The following WWOX variants were observed in gnomAD, a reference collection of about 807,000 sequenced individuals.
WWOX encodes the protein WW domain-containing oxidoreductase.
WWOX carries 69 observed loss-of-function variants against 46.2 expected under a neutral mutation model. The observed-to-expected ratio is 1.49, with a 90% CI of 1.23 to 1.82. The LOEUF (loss-of-function observed/expected upper bound fraction) is 1.82. Among genes scored for constraint, WWOX ranks in the 40% most tolerant of loss-of-function variants. WWOX has a pLI of 0.00. For missense variants in WWOX, 919 were observed against 542.6 expected (o/e 1.69, Z -6.89); for synonymous variants, 359 against 202.6 (o/e 1.77, Z -6.56).
intron 8 of WWOX, among the ~76,000 whole-genome samples, chr16:78,705,697 C>A (rs2048314672): frequency 6.6e-6 from 1 of 152,162 alleles, no homozygotes; most frequent in African/African-American, 2.4e-5. Flanking sequence ...TATTTATTTG[C>A]TTTTTTACTT....
chr16:79,120,656 C>G (rs575217838), intron 8 of WWOX, among the ~76,000 whole-genome samples: 4 of 152,202 alleles, frequency 2.6e-5, no homozygotes, highest in African/African-American at 9.7e-5. Context: ...CCCTTCCCGG[C>G]TTCAGGTCGC....
intron 8 of WWOX, among the ~76,000 whole-genome samples, chr16:78,520,659 TTAA>T (rs1282594901): frequency 6.6e-6 from 1 of 151,904 alleles, no homozygotes; most frequent in Non-Finnish European, 1.5e-5. Context: ...CCCTGGCTGA[TTAA>T]TAATGTTTGT....
rs941160436 is a variant in WWOX, at chr16:78,661,432, T to G, written c.1056+228680T>G. Among the ~76,000 whole-genome samples the G allele has an allele frequency of 5.9e-5, 9 of 152,316 alleles. 1 individual carries two copies. The South Asian group carries it at 1.2e-3, about 21-fold the overall frequency. On this transcript the variant is annotated intron_variant, in intron 8 of 8. Coordinates refer to ENST00000566780, the MANE Select transcript of WWOX (RefSeq NM_016373.4). ...TTTTTTCCCCTTTCAATACATCACA[T>G]TGATTTTCTGTATGACTTTATCTGC...
At chr16:78,548,074 G>C (rs752867050) in intron 8 of WWOX, among the ~76,000 whole-genome samples, 11 of 146,220 alleles carry the variant, frequency 7.5e-5, no homozygotes, top group Non-Finnish European at 1.3e-4. Context: ...AGAATCACTT[G>C]AACCCAGGAG....
Position 78,347,577 on chromosome 16 carries a change from C to T in WWOX, c.517-39283C>T, listed in dbSNP as rs1188378262. On this transcript the variant is annotated intron_variant, in intron 5 of 8. Coordinates refer to ENST00000566780, the MANE Select transcript of WWOX (RefSeq NM_016373.4). The stretch of plus-strand genomic sequence containing the variant: ...TCTTCCTGACCTTCCCAGTCCGAAG[C>T]CCAAGGAGATACTTGATAAATATTC... Among the ~76,000 whole-genome samples, 5 of 120,036 alleles carry T rather than the reference C, an allele frequency of 4.2e-5. No homozygotes were observed. In the East Asian group the frequency reaches 9.7e-4, roughly 23 times the overall value. 78.7% of individuals were successfully genotyped at this position (120,036 alleles called of 152,430 possible).
intron 8 of WWOX, among the ~76,000 whole-genome samples, chr16:78,613,448 G>T (rs2045946499): frequency 6.6e-6 from 1 of 152,110 alleles, no homozygotes; most frequent in Non-Finnish European, 1.5e-5. Flanking sequence ...GGTCATCTGG[G>T]AAACCTACCT....
intron 8 of WWOX, among the ~76,000 whole-genome samples, chr16:79,079,372 G>A (rs6564642): frequency 0.69 from 105,614 of 152,108 alleles, 38,169 homozygotes; most frequent in African/African-American, 0.9. Context: ...TGACAGAAGT[G>A]TCACCCATCC....
rs368397011 is a variant in WWOX at position 79,211,777 on chromosome 16, T to C, written c.1226T>C (p.Leu409Pro). 6.8e-6 allele frequency: 11 copies of C among 1,614,080 alleles called. No individual in the cohort carries two copies. The highest frequency in any genetic ancestry group is 1.7e-5 in the Admixed American group (1 of 60,022). Residue 409 changes from leucine to proline, a missense_variant, in exon 9 of 9, where the codon CTT (leucine) becomes CCT (proline). Physicochemically the swap from Leu to Pro is moderately conservative, Grantham distance 98. Coordinates refer to ENST00000566780, the MANE Select transcript of WWOX (RefSeq NM_016373.4). Reference protein sequence around the residue: ...ALSERLIQERLGSQSG With the variant: ...ALSERLIQERPGSQSG ...AGCGAGAGGCTGATCCAAGAACGGC[T>C]TGGCAGCCAGTCCGGCTAAGTGGAG...
At chr16:78,825,237 G>A (rs1826321328) in intron 8 of WWOX, 1 of 233,414 alleles carries the variant, frequency 4.3e-6, no homozygotes, top group Non-Finnish European at 8.7e-6. Context: ...TGAGATCTAA[G>A]AGAGGCACAA....
intron 8 of WWOX, among the ~76,000 whole-genome samples, chr16:78,921,056 CA>C (rs1049732694): frequency 1.3e-5 from 2 of 152,182 alleles, no homozygotes; most frequent in African/African-American, 4.8e-5. Flanking sequence ...CATTTCCAAC[CA>C]GATTTTGTGC....
intron 8 of WWOX, among the ~76,000 whole-genome samples, chr16:79,117,611 A>G (rs1156928570): frequency 6.6e-6 from 1 of 152,238 alleles, no homozygotes; most frequent in Non-Finnish European, 1.5e-5. Context: ...CCTAGACAGC[A>G]TCTTCTTCCA....
chr16:78,549,337 T>C (rs879342538), intron 8 of WWOX, among the ~76,000 whole-genome samples: 1 of 152,242 alleles, frequency 6.6e-6, no homozygotes, highest in Non-Finnish European at 1.5e-5. Context: ...GAATCTGCTG[T>C]AAGCTCTGTT....
At chr16:78,103,218 C>G (rs1411959112) in intron 1 of WWOX, among the ~76,000 whole-genome samples, 2 of 150,744 alleles carry the variant, frequency 1.3e-5, no homozygotes, top group African/African-American at 4.9e-5. Flanking sequence ...TCTTAAATCT[C>G]AAGCTGGCCT....
chr16:78,501,193 C>CTCTTTTTTTTTTTTTTT (rs1567609023), intron 8 of WWOX, among the ~76,000 whole-genome samples: 23 of 90,924 alleles, frequency 2.5e-4, no homozygotes, highest in South Asian at 8.8e-4. Context: ...CTTTCTTTCT[C>CTCTTTTTTTTTTTTTTT]TTTTTTTTTT....
chr16:79,095,860 CTT>C (rs775730124), intron 8 of WWOX, among the ~76,000 whole-genome samples: 4,952 of 118,360 alleles, frequency 0.042, 161 homozygotes, highest in African/African-American at 0.096. Context: ...CTCTCTCTCT[CTT>C]TTTTTTTTTT....
chr16:79,162,394 G>A (rs1461192854), intron 8 of WWOX, among the ~76,000 whole-genome samples: 1 of 152,140 alleles, frequency 6.6e-6, no homozygotes, highest in Non-Finnish European at 1.5e-5. Flanking sequence ...ACTCTCTCTT[G>A]TCCCTGGTTG....
At chr16:78,106,700 G>A (rs895886509) in intron 1 of WWOX, among the ~76,000 whole-genome samples, 16 of 152,178 alleles carry the variant, frequency 1.1e-4, no homozygotes, top group South Asian at 2.1e-4. Context: ...ACAGACATGA[G>A]CCACCGCGCC....
chr16:78,172,629 A>C (rs72804991), intron 5 of WWOX, among the ~76,000 whole-genome samples: 12,382 of 150,316 alleles, frequency 0.082, 563 homozygotes, highest in Non-Finnish European at 0.094. Context: ...CGCAGTCTTG[A>C]ACCGAATCTT....
intron 5 of WWOX, among the ~76,000 whole-genome samples, chr16:78,263,570 C>G (rs374251392): frequency 3.9e-5 from 6 of 151,986 alleles, no homozygotes; most frequent in Non-Finnish European, 7.4e-5. Context: ...TGTTACTTAC[C>G]GTGAGGTTAT....
Sources: gnomAD v4.1 joint callset for allele counts (sites outside exome capture counted in the v4.1 genomes callset) on GRCh38, gnomAD v4.1.1 for gene constraint, MANE v1.5 for transcripts, NCBI Gene and HGNC (gene_info 2026-07-23, HGNC 2026-07-21) for gene names.